The following IQSEC1 variants were observed in gnomAD, a reference collection of about 807,000 sequenced individuals.
IQSEC1 encodes IQ motif and SEC7 domain-containing protein 1.
Under a neutral mutation model 91.0 loss-of-function variants are expected in IQSEC1, and 31 were observed. The ratio of observed to expected loss-of-function variants is 0.34; its 90% confidence interval spans 0.26 to 0.46. IQSEC1 has a LOEUF of 0.46. Among genes scored for constraint, IQSEC1 ranks in the 20% least tolerant of loss-of-function variants. The pLI, the probability that IQSEC1 is intolerant of heterozygous loss-of-function variation, is 1.00. For missense variants in IQSEC1, 1,388 were observed against 1,575.6 expected (o/e 0.88, Z 2.02); for synonymous variants, 699 against 662.6 (o/e 1.05, Z -0.84).
intron 1 of IQSEC1, among the ~76,000 whole-genome samples, chr3:13,067,865 C>A (rs898146836): frequency 6.6e-6 from 1 of 152,248 alleles, no homozygotes; most frequent in African/African-American, 2.4e-5. Context: ...TGAGTCAGTG[C>A]AAGGAGGCAG....
intron 1 of IQSEC1, among the ~76,000 whole-genome samples, chr3:13,029,448 G>A (rs201753519): frequency 3.3e-5 from 5 of 152,308 alleles, no homozygotes; most frequent in East Asian, 1.9e-4. Context: ...TACATAACAC[G>A]GCTCTCCTCG....
At chr3:13,136,089 A>C (rs1371074636) in intron 2 of IQSEC1, among the ~76,000 whole-genome samples, 1 of 152,150 alleles carries the variant, frequency 6.6e-6, no homozygotes, top group Non-Finnish European at 1.5e-5. Flanking sequence ...CGGGACATGC[A>C]CTCCAGTGAG....
Position 12,902,670 on chromosome 3 carries a change from C to CAAAAAAAAAAAAAAAAAAAAAAAAA in IQSEC1, c.2805+102_2805+103insTTTTTTTTTTTTTTTTTTTTTTTTT, listed in dbSNP as rs1213830618. 9 of 192,650 alleles carry CAAAAAAAAAAAAAAAAAAAAAAAAA rather than the reference C, an allele frequency of 4.7e-5. 1 individual carries two copies. The highest frequency in any genetic ancestry group is 1.0e-4 in the South Asian group (2 of 19,694). The allele number at this position is 192,650 out of a possible 1,614,324, so 11.9% of individuals were successfully genotyped here. ...AAAAAAAAAACAACAAAAAAAAAAC[C>CAAAAAAAAAAAAAAAAAAAAAAAAA]AAAAAAAAAAAAAAAAAAAAAAAAC... On this transcript the variant is annotated intron_variant, in intron 13 of 13. Transcript: ENST00000613206.
At chr3:13,086,294 C>T (rs1380783915) in intron 2 of IQSEC1, among the ~76,000 whole-genome samples, 1 of 151,318 alleles carries the variant, frequency 6.6e-6, no homozygotes, top group Non-Finnish European at 1.5e-5. Context: ...CCGGTTTGTG[C>T]CCACCGTGGC....
At chr3:12,916,351 A>AGAGGCTG (rs1186993990) in intron 6 of IQSEC1, among the ~76,000 whole-genome samples, 1 of 152,234 alleles carries the variant, frequency 6.6e-6, no homozygotes, top group Admixed American at 6.5e-5. Context: ...TCACATGGGC[A>AGAGGCTG]GAGGCTGGAG....
intron 1 of IQSEC1, among the ~76,000 whole-genome samples, chr3:13,064,572 T>A (rs544612809): frequency 6.6e-6 from 1 of 152,348 alleles, no homozygotes; most frequent in African/African-American, 2.4e-5. Flanking sequence ...TCTGGCACCA[T>A]GAGAGATGCT....
chr3:13,050,768 A>G (rs1334668069), intron 1 of IQSEC1, among the ~76,000 whole-genome samples: 4 of 152,242 alleles, frequency 2.6e-5, no homozygotes, highest in Non-Finnish European at 4.4e-5. Context: ...CAGAGTCGGC[A>G]TTCCATAAAA....
chr3:13,135,789 G>T (rs536725642), intron 2 of IQSEC1, among the ~76,000 whole-genome samples: 1 of 152,158 alleles, frequency 6.6e-6, no homozygotes, highest in Non-Finnish European at 1.5e-5. Flanking sequence ...AGGGCCTCTG[G>T]GTCAGCCAGC....
At chr3:13,225,021 C>T (rs1016414216) in intron 1 of IQSEC1, among the ~76,000 whole-genome samples, 2 of 152,254 alleles carry the variant, frequency 1.3e-5, no homozygotes, top group African/African-American at 2.4e-5. Flanking sequence ...AGCAATACTG[C>T]CCAGCAGTAG....
chr3:13,188,443 GA>G (rs1576287929), intron 1 of IQSEC1, among the ~76,000 whole-genome samples: 1 of 152,206 alleles, frequency 6.6e-6, no homozygotes, highest in Admixed American at 6.5e-5. Context: ...ACTGTTGTAT[GA>G]ACTTTTCACT....
At chr3:12,936,812 G>C (rs1698248220) in intron 2 of IQSEC1, 115 bp from the exon 3 acceptor site, 1 of 1,037,980 alleles carries the variant, frequency 9.6e-7, no homozygotes, top group Non-Finnish European at 1.4e-6. Context: ...AGGTCCCAAA[G>C]TTGGTCAAAG....
intron 1 of IQSEC1, among the ~76,000 whole-genome samples, chr3:13,039,496 A>G (rs1264805508): frequency 1.3e-5 from 2 of 152,196 alleles, no homozygotes; most frequent in Non-Finnish European, 2.9e-5. Context: ...ATCAGGCAAA[A>G]AGCCAAGTGG....
At chr3:13,090,662 C>G (rs1044896403) in intron 2 of IQSEC1, among the ~76,000 whole-genome samples, 1 of 152,204 alleles carries the variant, frequency 6.6e-6, no homozygotes, top group Admixed American at 6.5e-5. Context: ...CCACCACATC[C>G]CGAGAGCCCC....
At position 12,967,478 on chromosome 3, in the gene IQSEC1, C is replaced by A; in HGVS notation, c.24-25613G>T. 6.7e-7 allele frequency: 1 copy of A among 1,501,026 alleles called. No individual in the cohort carries two copies. The highest frequency in any genetic ancestry group is 1.2e-5 in the South Asian group (1 of 80,256). The allele number at this position is 1,501,026 out of a possible 1,614,324, so 93.0% of individuals were successfully genotyped here. On this transcript the variant is annotated intron_variant, in intron 1 of 13. Coordinates refer to ENST00000613206, the MANE Select transcript of IQSEC1 (RefSeq NM_001134382.3). The surrounding 1 kb of genome is among the most constrained non-coding windows in gnomAD (Gnocchi z 5.9). ...GCGGCCGCAGTGGGAGCGGGCCGGG[C>A]CGGGAGCCGGGACCCAGGCCCAGCA... is the stretch of plus-strand genomic sequence containing the variant.
At chr3:13,187,665 C>T (rs1393248433) in intron 1 of IQSEC1, among the ~76,000 whole-genome samples, 2 of 152,184 alleles carry the variant, frequency 1.3e-5, no homozygotes. Context: ...TAATAAACTT[C>T]TCTTCTGGGT....
intron 1 of IQSEC1, among the ~76,000 whole-genome samples, chr3:13,030,860 G>A (rs1318420754): frequency 6.6e-6 from 1 of 152,240 alleles, no homozygotes; most frequent in African/African-American, 2.4e-5. Flanking sequence ...CGTGGGATTC[G>A]CCTTACAACT....
At chr3:13,086,423 G>C (rs1473872387) in intron 2 of IQSEC1, among the ~76,000 whole-genome samples, 11 of 152,194 alleles carry the variant, frequency 7.2e-5, no homozygotes, top group Admixed American at 6.5e-4. Flanking sequence ...AGATGGGTGT[G>C]GAAGAAACTG....
chr3:13,125,208 G>C (rs965728642), intron 2 of IQSEC1, among the ~76,000 whole-genome samples: 1 of 152,092 alleles, frequency 6.6e-6, no homozygotes. Flanking sequence ...CCAGCTAGGG[G>C]CCTTTGCTCC....
Position 13,211,668 on chromosome 3 carries a change from G to A in IQSEC1, c.273-47535C>T, listed in dbSNP as rs982538826. Among the ~76,000 whole-genome samples the A allele has an allele frequency of 2.0e-5, 3 of 152,120 alleles. No homozygotes were observed. Among genetic ancestry groups the A allele is most frequent in the African/African-American group, 4.8e-5 (2 of 41,420 alleles). On this transcript the variant is annotated intron_variant, in intron 1 of 15. Coordinates refer to the IQSEC1 transcript ENST00000648114. This position sits in a 1 kb window ranked among gnomAD's most constrained non-coding sequence, Gnocchi z 5.3. The stretch of plus-strand genomic sequence containing the variant: ...CCCTGAAGGCCAGGCCAGGACCCAC[G>A]AACTGGCACCACCCCAGCCCTGCTC...
Sources: allele counts gnomAD v4.1 joint callset (sites outside exome capture counted in the v4.1 genomes callset), GRCh38; gene constraint gnomAD v4.1.1; non-coding constraint Gnocchi (gnomAD v3.1); transcripts MANE v1.5; gene names NCBI Gene and HGNC (gene_info 2026-07-23, HGNC 2026-07-21).